Variants in LUZP2 observed in about 807,000 individuals in gnomAD.
The protein encoded by LUZP2 is leucine zipper protein 2.
A neutral mutation model predicts 51.6 loss-of-function variants in LUZP2; 52 were observed. That is an observed-to-expected ratio of 1.01 (90% CI 0.81 to 1.27). The LOEUF is 1.27. Among genes scored for constraint, LUZP2 ranks in the 50% most tolerant of loss-of-function variants. The pLI, the probability that LUZP2 is intolerant of heterozygous loss-of-function variation, is 0.00. For missense variants in LUZP2, 436 were observed against 395.4 expected, an observed-to-expected ratio of 1.10 and a Z score of -0.87; for synonymous variants, 154 against 137.3, an observed-to-expected ratio of 1.12 and a Z score of -0.85.
At chr11:24,736,481 TTCCTTCC>T in intron 3 of LUZP2, among the ~76,000 whole-genome samples, 1 of 24,024 alleles carries the variant, frequency 4.2e-5, no homozygotes, top group African/African-American at 5.8e-5. Flanking sequence ...CCTTCCTTCC[TTCCTTCC>T]TTCCTTCCTT....
At chr11:25,036,498 T>C (rs1857865856) in intron 9 of LUZP2, among the ~76,000 whole-genome samples, 1 of 151,012 alleles carries the variant, frequency 6.6e-6, no homozygotes, top group Non-Finnish European at 1.5e-5. Flanking sequence ...AGTTATTTCT[T>C]TTATTCTGCT....
At position 24,558,134 on chromosome 11, in the gene LUZP2, G is replaced by C. The variant is rs140151595; in HGVS notation, c.62+60829G>C. ...CAGGACCATCCTTCTCCTGCTCTTG[G>C]ATGTCAAAATTCCAGGTTCACCAGC... On this transcript the variant is annotated intron_variant, in intron 1 of 11. Coordinates refer to ENST00000336930, the MANE Select transcript of LUZP2 (RefSeq NM_001009909.4). Among the ~76,000 whole-genome samples, 530 of 152,198 alleles carry C rather than the reference G, an allele frequency of 3.5e-3. 2 individuals are homozygous for C. The highest frequency in any genetic ancestry group is 8.2e-3 in the Admixed American group (125 of 15,258).
intron 9 of LUZP2, among the ~76,000 whole-genome samples, chr11:25,002,351 G>C (rs748029230): frequency 6.6e-6 from 1 of 152,154 alleles, no homozygotes. Flanking sequence ...GGCAGCATAA[G>C]TCTGGACTAT....
chr11:24,989,940 A>G (rs1856289601), intron 9 of LUZP2, among the ~76,000 whole-genome samples: 1 of 152,048 alleles, frequency 6.6e-6, no homozygotes, highest in Non-Finnish European at 1.5e-5. Flanking sequence ...TTATTTTTCC[A>G]TCAGTTCCTA....
chr11:24,665,036 A>T (rs1856166839), intron 1 of LUZP2, among the ~76,000 whole-genome samples: 1 of 152,190 alleles, frequency 6.6e-6, no homozygotes, highest in Admixed American at 6.5e-5. Flanking sequence ...GAAAAGTCAA[A>T]GACACTCAAC....
rs117956367 is a variant in LUZP2, at chr11:24,718,620, T to C, written c.63-10549T>C. The stretch of plus-strand genomic sequence containing the variant: ...AGGGCTCAGATGCAGTTCAACATTA[T>C]AAGTACAAAACAGTGTGCTAGTATC... On this transcript the variant is annotated intron_variant, in intron 1 of 11. Transcript: ENST00000336930. Among the ~76,000 whole-genome samples, 29 of 152,348 alleles carry C rather than the reference T, an allele frequency of 1.9e-4. 1 individual carries two copies. The East Asian group carries it at 5.6e-3, about 29-fold the overall frequency.
Position 24,738,293 on chromosome 11 carries a change from C to G in LUZP2, c.324C>G (p.His108Gln), listed in dbSNP as rs376613581. ...LKETSEKAEK[H>Q]QATINFLKTE... is the part of the protein sequence containing the mutation. The stretch of plus-strand genomic sequence containing the variant: ...AGACATCAGAGAAAGCAGAAAAACA[C>G]CAGGCTACTGTAAGTGTGTTTCTTC... The change falls in exon 4 of 12, where the codon CAC (histidine) becomes CAG (glutamine). Residue 108 changes from histidine (H) to glutamine (Q), a missense_variant. By Grantham distance (24) the His-to-Gln change is conservative. Transcript: ENST00000336930. 5.0e-6 allele frequency: 8 copies of G among 1,611,018 alleles called. No individual in the cohort carries two copies. The highest frequency in any genetic ancestry group is 2.7e-5 in the African/African-American group (2 of 74,782).
At chr11:24,871,671 T>G (rs1409676825) in intron 5 of LUZP2, among the ~76,000 whole-genome samples, 1 of 152,108 alleles carries the variant, frequency 6.6e-6, no homozygotes, top group Non-Finnish European at 1.5e-5. Context: ...AATCACAGAA[T>G]TGTTTGTGAT....
At chr11:24,536,474 C>T (rs1322472236) in intron 1 of LUZP2, among the ~76,000 whole-genome samples, 1 of 151,872 alleles carries the variant, frequency 6.6e-6, no homozygotes, top group Non-Finnish European at 1.5e-5. Flanking sequence ...CTTGCTGCTT[C>T]ACCTTGCACT....
At chr11:24,991,939 T>C (rs1161196413) in intron 9 of LUZP2, among the ~76,000 whole-genome samples, 3 of 152,110 alleles carry the variant, frequency 2.0e-5, no homozygotes, top group Non-Finnish European at 4.4e-5. Context: ...TCCTAATTTG[T>C]TTGAGTTCAT....
intron 1 of LUZP2, among the ~76,000 whole-genome samples, chr11:24,582,542 A>G (rs1162360639): frequency 6.6e-6 from 1 of 152,138 alleles, no homozygotes; most frequent in East Asian, 1.9e-4. Context: ...TAAAGTAAAA[A>G]TGAAATAACT....
intron 7 of LUZP2, among the ~76,000 whole-genome samples, chr11:24,974,433 A>G (rs1290740362): frequency 6.6e-6 from 1 of 152,038 alleles, no homozygotes; most frequent in East Asian, 1.9e-4. Context: ...GCCCATTTAC[A>G]TTTAAGATTA....
In LUZP2 at chr11:24,735,109, G is replaced by A. The variant is rs144468298; in HGVS notation, c.251+2921G>A. Among the ~76,000 whole-genome samples, 144 of 152,050 alleles carry A rather than the reference G, an allele frequency of 9.5e-4. 5 individuals carry two copies. The South Asian group carries it at 0.024, about 25-fold the overall frequency. On this transcript the variant is annotated intron_variant, in intron 3 of 11. Transcript: ENST00000336930. ...TGGAGCTAGGCTGTAAGTAAATTCA[G>A]GGGCTATGCTGTGGCCACATACAAC...
intron 1 of LUZP2, among the ~76,000 whole-genome samples, chr11:24,570,743 G>A (rs1852409165): frequency 6.6e-6 from 1 of 152,046 alleles, no homozygotes; most frequent in African/African-American, 2.4e-5. Flanking sequence ...TTCCATAGAT[G>A]TTATGTGTCT....
chr11:24,688,365 C>A (rs1366838142), intron 1 of LUZP2, among the ~76,000 whole-genome samples: 1 of 152,048 alleles, frequency 6.6e-6, no homozygotes, highest in African/African-American at 2.4e-5. Flanking sequence ...CAGGATTTAC[C>A]CTCAGGAAGA....
At chr11:24,941,971 C>T (rs1277475300) in intron 7 of LUZP2, among the ~76,000 whole-genome samples, 2 of 151,552 alleles carry the variant, frequency 1.3e-5, no homozygotes, top group East Asian at 3.9e-4. Flanking sequence ...TGTTTTGCCT[C>T]TTCTAGAACA....
chr11:24,606,911 T>C (rs960036812), intron 1 of LUZP2, among the ~76,000 whole-genome samples: 1 of 147,702 alleles, frequency 6.8e-6, no homozygotes, highest in Non-Finnish European at 1.5e-5. Context: ...ATTGAGTAGA[T>C]TTTTATATAT....
At chr11:24,910,919 C>T (rs891455384) in intron 6 of LUZP2, among the ~76,000 whole-genome samples, 6 of 152,104 alleles carry the variant, frequency 3.9e-5, no homozygotes, top group African/African-American at 1.2e-4. Flanking sequence ...TGAAAGCAGC[C>T]AGGAGGGGGG....
intron 1 of LUZP2, among the ~76,000 whole-genome samples, chr11:24,533,509 A>G (rs1466472971): frequency 1.3e-5 from 2 of 151,328 alleles, no homozygotes; most frequent in Admixed American, 6.6e-5. Flanking sequence ...TTGTCTTTCA[A>G]ACTGCTTTCT....
Sources: allele counts gnomAD v4.1 joint callset (sites outside exome capture counted in the v4.1 genomes callset), GRCh38; gene constraint gnomAD v4.1.1; transcripts MANE v1.5; gene names NCBI Gene and HGNC (gene_info 2026-07-23, HGNC 2026-07-21).